EYA1: variants seen among roughly 807,000 people sequenced by gnomAD.
EYA1 encodes the protein protein phosphatase EYA1.
In EYA1, 16 loss-of-function variants were observed where a neutral mutation model predicts 82.0. That is an observed-to-expected ratio of 0.20 (90% confidence interval 0.13 to 0.30). EYA1 has a LOEUF of 0.30. Ranked by LOEUF, EYA1 falls within the 10% of genes least tolerant of loss-of-function variation. The pLI, the probability that EYA1 is intolerant of heterozygous loss-of-function variation, is 1.00. For missense variants in EYA1, 633 were observed against 730.7 expected, an observed-to-expected ratio of 0.87 and a Z score of 1.54; for synonymous variants, 261 against 264.4, an observed-to-expected ratio of 0.99 and a Z score of 0.12.
rs1467284842 is a variant in EYA1, at chr8:71,303,338, AT to A, written c.557-3619del. Among the ~76,000 whole-genome samples, 6 of 139,938 alleles carry A rather than the reference AT, an allele frequency of 4.3e-5. 1 individual carries two copies. The highest frequency in any genetic ancestry group is 1.5e-4 in the African/African-American group (6 of 39,712). 91.8% of individuals were successfully genotyped at this position (139,938 alleles called of 152,430 possible). On this transcript the variant is annotated intron_variant, in intron 7 of 17. Coordinates refer to ENST00000340726, the MANE Select transcript of EYA1 (RefSeq NM_000503.6). ...TATACACACACACACACACACACAC[AT>A]CCATGACTTACTAATCAGTATTTTA...
intron 2 of EYA1, among the ~76,000 whole-genome samples, chr8:71,488,670 T>G (rs1810756059): frequency 6.6e-6 from 1 of 152,354 alleles, no homozygotes; most frequent in South Asian, 2.1e-4. Flanking sequence ...TGTAAATATT[T>G]ACCAAACTAT....
intron 2 of EYA1, among the ~76,000 whole-genome samples, chr8:71,450,949 C>G (rs59117331): frequency 0.085 from 12,916 of 152,096 alleles, 646 homozygotes; most frequent in East Asian, 0.21. Context: ...TAAAAACATG[C>G]AAAAGAAGAA....
intron 2 of EYA1, among the ~76,000 whole-genome samples, chr8:71,393,541 T>A (rs916383834): frequency 6.6e-6 from 1 of 152,066 alleles, no homozygotes; most frequent in African/African-American, 2.4e-5. Context: ...TGAGAACATG[T>A]GGTGTTTGGT....
intron 9 of EYA1, among the ~76,000 whole-genome samples, chr8:71,286,743 T>C (rs1458489703): frequency 6.6e-6 from 1 of 151,292 alleles, no homozygotes; most frequent in African/African-American, 2.4e-5. Context: ...TTATGGGTCA[T>C]CAAACCTTCA....
At chr8:71,474,198 T>TA (rs199862429) in intron 2 of EYA1, among the ~76,000 whole-genome samples, 29,232 of 104,068 alleles carry the variant, frequency 0.28, 5,711 homozygotes, top group African/African-American at 0.53. Flanking sequence ...AAAGTAAAAT[T>TA]AAAAAAAAAA....
At position 71,216,782 on chromosome 8, in the gene EYA1, C is replaced by T. The variant is rs746195192; in HGVS notation, c.1270G>A (p.Val424Ile). The change falls in exon 14 of 18, where the codon GTA becomes ATA. Residue 424 changes from valine to isoleucine, a missense_variant. Transcript: ENST00000340726. ...TSANLCLATG[V>I]RGGVDWMRKL... ...CTCATCCAGTCCACACCGCCCCGTA[C>T]ACCAGTTGCCAAACATAAGTTAGCA... 2 of 1,614,148 alleles carry T rather than the reference C, an allele frequency of 1.2e-6. No homozygotes were observed. Among genetic ancestry groups the T allele is most frequent in the East Asian group, 4.5e-5 (2 of 44,884 alleles).
intron 12 of EYA1, among the ~76,000 whole-genome samples, chr8:71,221,940 C>A (rs945410483): frequency 1.3e-5 from 2 of 152,190 alleles, no homozygotes. Flanking sequence ...GGGGGCAATG[C>A]ACATGCCGGC....
intron 2 of EYA1, among the ~76,000 whole-genome samples, chr8:71,472,650 T>C (rs901798688): frequency 6.6e-6 from 1 of 151,840 alleles, no homozygotes; most frequent in Non-Finnish European, 1.5e-5. Flanking sequence ...AGACTAAGTA[T>C]CTTGCATAGG....
At chr8:71,443,315 A>G (rs951306303) in intron 2 of EYA1, among the ~76,000 whole-genome samples, 1 of 152,196 alleles carries the variant, frequency 6.6e-6, no homozygotes, top group African/African-American at 2.4e-5. Context: ...CGGGGGGGAT[A>G]GAGTCTTGCT....
At chr8:71,375,046 T>C (rs1330179886) in intron 2 of EYA1, among the ~76,000 whole-genome samples, 1 of 152,132 alleles carries the variant, frequency 6.6e-6, no homozygotes, top group East Asian at 1.9e-4. Context: ...TGTAATTCTA[T>C]AGGATGAACA....
chr8:71,473,019 C>G (rs921211105), intron 2 of EYA1, among the ~76,000 whole-genome samples: 1 of 151,740 alleles, frequency 6.6e-6, no homozygotes, highest in African/African-American at 2.4e-5. Flanking sequence ...TGTGTTATGA[C>G]TTAGATAAAA....
chr8:71,334,379 T>C (rs1824248775), intron 3 of EYA1: 2 of 635,708 alleles, frequency 3.1e-6, no homozygotes, highest in South Asian at 3.4e-5. Context: ...CAATCTATTG[T>C]CACAAGTTAC....
intron 2 of EYA1, among the ~76,000 whole-genome samples, chr8:71,502,499 A>G (rs1355217409): frequency 6.6e-6 from 1 of 152,234 alleles, no homozygotes; most frequent in Non-Finnish European, 1.5e-5. Flanking sequence ...AATTTCAGAT[A>G]AATTAAATTT....
chr8:71,480,361 G>C (rs1189154966), intron 2 of EYA1, among the ~76,000 whole-genome samples: 1 of 152,100 alleles, frequency 6.6e-6, no homozygotes, highest in East Asian at 1.9e-4. Context: ...ATGGGGCCCA[G>C]GGAAGCACCT....
At chr8:71,495,483 G>A (rs1289459382) in intron 2 of EYA1, among the ~76,000 whole-genome samples, 4 of 151,956 alleles carry the variant, frequency 2.6e-5, no homozygotes, top group Admixed American at 6.6e-5. Flanking sequence ...ACCTGGTGGC[G>A]TGCCTGTAAT....
In EYA1 at chr8:71,437,055, C is replaced by CATATAT. The variant is rs34634844; in HGVS notation, c.34-80550_34-80545dup. Among the ~76,000 whole-genome samples the CATATAT allele has an allele frequency of 2.0e-3, 296 of 144,776 alleles. 1 individual carries two copies. Among genetic ancestry groups the CATATAT allele is most frequent in the African/African-American group, 6.9e-3 (276 of 39,862 alleles). The allele number at this position is 144,776 out of a possible 152,430, so 95.0% of individuals were successfully genotyped here. ...AGTTCCAGGTGTGTGTGTATATCTA[C>CATATAT]ATATATATATATATATCTCCATCTT... On this transcript the variant is annotated intron_variant, in intron 2 of 18. Coordinates refer to the EYA1 transcript ENST00000643681.
At chr8:71,208,782 C>T (rs914517504) in intron 17 of EYA1, among the ~76,000 whole-genome samples, 3 of 152,164 alleles carry the variant, frequency 2.0e-5, no homozygotes, top group African/African-American at 7.2e-5. Flanking sequence ...AATACTCTAG[C>T]CCTATCAATA....
chr8:71,365,201 G>A (rs888373912), upstream of EYA1, among the ~76,000 whole-genome samples: 15 of 151,564 alleles, frequency 9.9e-5, no homozygotes, highest in African/African-American at 3.6e-4. Context: ...GAAAACAAAG[G>A]ATAAAATACA....
At chr8:71,418,934 C>T (rs1831001606) in intron 2 of EYA1, among the ~76,000 whole-genome samples, 1 of 152,100 alleles carries the variant, frequency 6.6e-6, no homozygotes, top group Non-Finnish European at 1.5e-5. Context: ...TGGGGGAGAG[C>T]ACCTGAGAAG....
Sources: gnomAD v4.1 joint callset for allele counts (sites outside exome capture counted in the v4.1 genomes callset) on GRCh38, gnomAD v4.1.1 for gene constraint, MANE v1.5 for transcripts, NCBI Gene and HGNC (gene_info 2026-07-23, HGNC 2026-07-21) for gene names.